The following XPOT variants were observed in gnomAD, a reference collection of about 807,000 sequenced individuals.
XPOT encodes the protein exportin for tRNA, also known as exportin-T.
Under a neutral mutation model 128.2 loss-of-function variants are expected in XPOT, and 34 were observed. That is an observed-to-expected ratio of 0.27 (90% confidence interval 0.20 to 0.35). The LOEUF is 0.35. XPOT is among the 10% of genes least tolerant of loss of function. XPOT has a pLI of 1.00. For synonymous variants in XPOT, 348 were observed against 394.3 expected, an observed-to-expected ratio of 0.88 and a Z score of 1.39; for missense variants, 838 against 1,125.3, an observed-to-expected ratio of 0.74 and a Z score of 3.65.
intron 1 of XPOT, among the ~76,000 whole-genome samples, chr12:64,408,751 A>ACCTTGG (rs1383498108): frequency 6.6e-6 from 1 of 151,730 alleles, no homozygotes; most frequent in Non-Finnish European, 1.5e-5. Flanking sequence ...TTGGCTCACT[A>ACCTTGG]CAACCTCTGC....
Position 64,410,582 on chromosome 12 carries a change from A to G in XPOT, c.60+487A>G, listed in dbSNP as rs73313842. On this transcript the variant is annotated intron_variant, in intron 2 of 24. Coordinates refer to ENST00000332707, the MANE Select transcript of XPOT (RefSeq NM_007235.6). Reference sequence around the variant, plus strand: ...AGCGATCTGCCCACCTCAGTCTCCTAAAATGCTAGGATTATAGGCATGAGT... The same window carrying G: ...AGCGATCTGCCCACCTCAGTCTCCTGAAATGCTAGGATTATAGGCATGAGT... Among the ~76,000 whole-genome samples, 429 of 152,240 alleles carry G rather than the reference A, an allele frequency of 2.8e-3. 1 individual carries two copies. The highest frequency in any genetic ancestry group is 9.9e-3 in the African/African-American group (413 of 41,528).
At chr12:64,430,550 G>C (rs2040230071) in intron 17 of XPOT, among the ~76,000 whole-genome samples, 2 of 110,086 alleles carry the variant, frequency 1.8e-5, no homozygotes, top group Non-Finnish European at 4.7e-5. Context: ...AAGAGGATCA[G>C]CTGAAGTGTT....
intron 3 of XPOT, among the ~76,000 whole-genome samples, chr12:64,415,950 G>A (rs1452790294): frequency 2.6e-5 from 4 of 152,188 alleles, no homozygotes; most frequent in African/African-American, 9.7e-5. Context: ...TCCTTCTGCA[G>A]TGTGGCTTTC....
intron 23 of XPOT, among the ~76,000 whole-genome samples, 171 bp from the exon 24 acceptor site, chr12:64,444,904 T>C (rs1442935611): frequency 6.6e-6 from 1 of 151,232 alleles, no homozygotes; most frequent in Non-Finnish European, 1.5e-5. Context: ...GCCTAGGAGT[T>C]GGAGGCTACA....
In XPOT at chr12:64,421,343, G is replaced by A; in HGVS notation, c.952G>A (p.Ala318Thr). 1 of 1,613,852 alleles carries A rather than the reference G, an allele frequency of 6.2e-7. No individual in the cohort carries two copies. Among genetic ancestry groups the A allele is most frequent in the Non-Finnish European group, 8.5e-7 (1 of 1,179,786 alleles). Residue 318 changes from alanine (A) to threonine (T), a missense_variant, in exon 9 of 25, where the codon GCT becomes ACT. By Grantham distance (58) the Ala-to-Thr change is moderately conservative (BLOSUM62 0). Around this residue, in one of 3 missense-constraint regions of XPOT, gnomAD observed 761 missense variants for 988.3 expected, o/e 0.77. Coordinates refer to ENST00000332707, the MANE Select transcript of XPOT (RefSeq NM_007235.6). Reference protein sequence around the residue: ...KLIKNGDIKNAQEALQAIETK... With the variant: ...KLIKNGDIKNTQEALQAIETK... ...AATTAAGAATGGGGATATTAAGAAT[G>A]CTCAAGAGGCACTACAAGCTATTGA...
intron 6 of XPOT, 111 bp downstream of exon 6, chr12:64,419,205 G>C: frequency 2.5e-6 from 2 of 784,824 alleles, no homozygotes. Flanking sequence ...ACTTTCTTAA[G>C]TTATATAATT....
At chr12:64,431,098 C>T (rs115082365) in intron 17 of XPOT, among the ~76,000 whole-genome samples, 6,015 of 152,140 alleles carry the variant, frequency 0.04, 394 homozygotes, top group African/African-American at 0.14. Flanking sequence ...CATGTGCTAC[C>T]ACACCCAGCT....
At position 64,420,479 on chromosome 12, in the gene XPOT, G is replaced by A; in HGVS notation, c.801G>A (p.Leu267=). 6.2e-7 allele frequency: 1 copy of A among 1,613,716 alleles called. No individual in the cohort carries two copies. The change falls in exon 8 of 25, where the codon TTG becomes TTA. Residue 267 remains leucine (L), a synonymous_variant. Coordinates refer to ENST00000332707, the MANE Select transcript of XPOT (RefSeq NM_007235.6). The part of the protein sequence containing the change: ...PVDKMKLVES[L]CQVLQSAGFF... ...ATAAAATGAAACTAGTGGAATCTTT[G>A]TGTCAAGTATTACAGTCTGCTGGGT...
chr12:64,425,049 C>T lies in XPOT; in HGVS notation c.1319C>T (p.Thr440Ile). ...TTATACCTTGGTAGGAATTGGCAGA[C>T]TACACGGTTTATGGAAGTTGAAGTA... ...VFSSTLQNWQ[T>I]TRFMEVEVAI... The change falls in exon 13 of 25, where the codon ACT becomes ATT. Residue 440 changes from threonine to isoleucine, a missense_variant. Thr to Ile is a moderately conservative substitution (Grantham distance 89). This residue lies in a region of XPOT where 761 missense variants were observed against 988.3 expected (regional missense o/e 0.77). Coordinates refer to ENST00000332707, the MANE Select transcript of XPOT (RefSeq NM_007235.6). 6.2e-7 allele frequency: 1 copy of T among 1,612,548 alleles called. No individual in the cohort carries two copies. The highest frequency in any genetic ancestry group is 1.1e-5 in the South Asian group (1 of 91,014).
rs1055435522 is a variant in XPOT, at chr12:64,404,437, G to T, written c.-442G>T. On this transcript the variant is annotated 5_prime_UTR_variant, in exon 1 of 25. Transcript: ENST00000332707. ...CGCCGGCGCCCGCCCGCGCGGCACC[G>T]ACGCGGGGAGCGCGCTTCGCGCTGA... 3.4e-4 allele frequency: 52 copies of T among 153,764 alleles called. No homozygotes were observed. The highest frequency in any genetic ancestry group is 1.2e-3 in the African/African-American group (51 of 41,348). The allele number at this position is 153,764 out of a possible 1,614,324, so 9.5% of individuals were successfully genotyped here.
chr12:64,419,506 T>C (rs1372450937), intron 6 of XPOT, among the ~76,000 whole-genome samples: 4 of 152,020 alleles, frequency 2.6e-5, no homozygotes, highest in Non-Finnish European at 5.9e-5. Context: ...TTTGTAGAGA[T>C]TGGGTTTCGC....
At chr12:64,424,859 A>G in intron 12 of XPOT, 136 bp downstream of exon 12, 2 of 1,356,068 alleles carry the variant, frequency 1.5e-6, no homozygotes, top group Non-Finnish European at 1.0e-6. Flanking sequence ...GAAACAATGC[A>G]CTTGTCTTCT....
intron 9 of XPOT, 68 bp from the exon 10 acceptor site, chr12:64,422,937 C>G: frequency 1.4e-6 from 2 of 1,395,470 alleles, no homozygotes; most frequent in Non-Finnish European, 9.9e-7. Context: ...TTAATTGATT[C>G]GAAAAATGTT....
chr12:64,450,769 G>T lies in XPOT; in HGVS notation c.*2638G>T, dbSNP rs568779227. 95 of 152,216 alleles carry T rather than the reference G, an allele frequency of 6.2e-4. No individual in the cohort carries two copies. The highest frequency in any genetic ancestry group is 1.3e-4 in the Non-Finnish European group (9 of 68,042). The allele number at this position is 152,216 out of a possible 1,614,324, so 9.4% of individuals were successfully genotyped here. A position where few individuals can be genotyped will look rare whatever the true frequency, so the allele number is the denominator to read the frequency against. ...AAATATTTGGGGATTTGTTTGACTT[G>T]ACTAGGGAACCACAAGTTTTCATAT... On this transcript the variant is annotated 3_prime_UTR_variant, in exon 25 of 25. Transcript: ENST00000332707.
chr12:64,411,903 G>A (rs372763280), intron 2 of XPOT, among the ~76,000 whole-genome samples: 56 of 152,252 alleles, frequency 3.7e-4, no homozygotes, highest in South Asian at 8.3e-4. Context: ...GTTTGTCAGT[G>A]TTGTAGAATT....
Position 64,414,831 on chromosome 12 carries a change from A to G in XPOT, c.61-76A>G, listed in dbSNP as rs1861407983. 1.1e-5 allele frequency: 10 copies of G among 900,216 alleles called. No homozygotes were observed. In the South Asian group the frequency reaches 1.4e-4, roughly 12 times the overall value. The allele number at this position is 900,216 out of a possible 1,614,324, so 55.8% of individuals were successfully genotyped here. A position where few individuals can be genotyped will look rare whatever the true frequency, so the allele number is the denominator to read the frequency against. On this transcript the variant is annotated intron_variant, in intron 2 of 24. Coordinates refer to ENST00000332707, the MANE Select transcript of XPOT (RefSeq NM_007235.6). ...GATTTGTTATAGGTTTGCAACTCTC[A>G]GAATATTTTGTTTATATTAGCAGGG...
intron 1 of XPOT, among the ~76,000 whole-genome samples, chr12:64,409,425 C>T (rs1275468414): frequency 2.0e-5 from 3 of 152,104 alleles, no homozygotes; most frequent in Non-Finnish European, 4.4e-5. Flanking sequence ...AGCTTGAGGA[C>T]CTTTATGGCA....
chr12:64,445,259 A>G (rs182290837), intron 24 of XPOT, 128 bp downstream of exon 24: 120 of 663,108 alleles, frequency 1.8e-4, no homozygotes, highest in East Asian at 7.1e-4. Flanking sequence ...GAAAAAGAGT[A>G]TAAGTTAGGT....
chr12:64,445,360 G>C (rs2040359675), intron 24 of XPOT, among the ~76,000 whole-genome samples: 1 of 152,202 alleles, frequency 6.6e-6, no homozygotes, highest in Admixed American at 6.5e-5. Flanking sequence ...ATAGAAACTA[G>C]AGGGATTAGG....
Sources: allele counts gnomAD v4.1 joint callset (sites outside exome capture counted in the v4.1 genomes callset), GRCh38; gene constraint gnomAD v4.1.1; regional missense constraint gnomAD v4.1.1; transcripts MANE v1.5; gene names NCBI Gene and HGNC (gene_info 2026-07-23, HGNC 2026-07-21).